TIAM1: variants seen among roughly 807,000 people sequenced by gnomAD.
TIAM1 encodes TIAM Rac1 associated GEF 1.
TIAM1 carries 65 observed loss-of-function variants against 163.5 expected under a neutral mutation model. The observed-to-expected ratio is 0.40, with a 90% CI of 0.33 to 0.49. TIAM1 has a LOEUF of 0.49. TIAM1 is among the 20% of genes least tolerant of loss of function. The pLI is 0.77. For missense variants in TIAM1, 1,789 were observed against 2,044.7 expected (o/e 0.87, Z 2.41); for synonymous variants, 833 against 810.1 (o/e 1.03, Z -0.48).
chr21:31,225,612 G>A (rs2087905735), intron 7 of TIAM1, 114 bp downstream of exon 7: 2 of 799,162 alleles, frequency 2.5e-6, no homozygotes, highest in Admixed American at 2.6e-5. Context: ...TGGATGACAG[G>A]CTGTCGAGGA....
chr21:31,483,166 T>C (rs1192920161), intron 1 of TIAM1, among the ~76,000 whole-genome samples: 1 of 152,186 alleles, frequency 6.6e-6, no homozygotes, highest in Non-Finnish European at 1.5e-5. Context: ...TTTATAAACA[T>C]AAGCAAACAT....
chr21:31,451,718 CGTGTGT>C (rs59110882), intron 2 of TIAM1, among the ~76,000 whole-genome samples: 8,388 of 142,024 alleles, frequency 0.059, 276 homozygotes, highest in Middle Eastern at 0.12. Flanking sequence ...CATGTGTGTG[CGTGTGT>C]GTGTGTGTGT....
intron 23 of TIAM1, among the ~76,000 whole-genome samples, chr21:31,132,779 G>C (rs2082465268): frequency 2.6e-5 from 4 of 152,264 alleles, no homozygotes. Context: ...GATCCCTTCA[G>C]ACATGGCCTT....
intron 2 of TIAM1, among the ~76,000 whole-genome samples, chr21:31,298,013 A>G (rs1407878713): frequency 6.6e-6 from 1 of 152,198 alleles, no homozygotes; most frequent in Non-Finnish European, 1.5e-5. Flanking sequence ...AAACGTTTCT[A>G]TGTACATTAG....
chr21:31,122,691 A>G (rs937505583), intron 27 of TIAM1, among the ~76,000 whole-genome samples: 3 of 152,260 alleles, frequency 2.0e-5, no homozygotes, highest in African/African-American at 7.2e-5. Flanking sequence ...TAGGCTGAAT[A>G]TGGAAGCAGA....
At chr21:31,390,205 T>TA (rs1256877023) in intron 2 of TIAM1, among the ~76,000 whole-genome samples, 1 of 152,182 alleles carries the variant, frequency 6.6e-6, no homozygotes. Context: ...ATTAATGATG[T>TA]AAAAACAAGG....
chr21:31,339,130 A>T (rs1208914422), intron 2 of TIAM1, 113 bp downstream of exon 2: 1 of 389,290 alleles, frequency 2.6e-6, no homozygotes. Flanking sequence ...AATCGTCACA[A>T]ACAATGAACT....
chr21:31,552,956 C>T (rs2048743702), intron 1 of TIAM1, among the ~76,000 whole-genome samples: 2 of 152,114 alleles, frequency 1.3e-5, no homozygotes, highest in African/African-American at 4.8e-5. Context: ...CACGTGGCAC[C>T]GCCTTCATCT....
At chr21:31,318,071 G>C (rs148227953) in intron 2 of TIAM1, among the ~76,000 whole-genome samples, 1 of 152,274 alleles carries the variant, frequency 6.6e-6, no homozygotes, top group East Asian at 1.9e-4. Flanking sequence ...TTTGGGTACA[G>C]CTCCCAGGTC....
rs141060225 is a variant in TIAM1, at chr21:31,361,978, G to A, written c.-368-22556C>T. On this transcript the variant is annotated intron_variant, in intron 2 of 28. Transcript: ENST00000286827. ...CACATACACATATATGTGCATGCAA[G>A]TATACATATATGACTGACATAAAAA... Among the ~76,000 whole-genome samples, 484 of 152,112 alleles carry A rather than the reference G, an allele frequency of 3.2e-3. 1 individual carries two copies. The highest frequency in any genetic ancestry group is 0.011 in the African/African-American group (465 of 41,504).
chr21:31,422,759 G>C (rs893214335), intron 2 of TIAM1, among the ~76,000 whole-genome samples: 6 of 152,142 alleles, frequency 3.9e-5, no homozygotes, highest in African/African-American at 1.4e-4. Context: ...CTTTGCTCAT[G>C]ATCTCTACTC....
At chr21:31,418,030 C>T (rs889207067) in intron 2 of TIAM1, among the ~76,000 whole-genome samples, 3 of 152,096 alleles carry the variant, frequency 2.0e-5, no homozygotes, top group Non-Finnish European at 4.4e-5. Flanking sequence ...CCAAAAGGTA[C>T]TGAGCAGAGT....
chr21:31,316,951 G>T (rs1200740079), intron 2 of TIAM1, among the ~76,000 whole-genome samples: 1 of 152,132 alleles, frequency 6.6e-6, no homozygotes, highest in African/African-American at 2.4e-5. Flanking sequence ...AAATGGCCAG[G>T]GATGTCCAGG....
intron 17 of TIAM1, among the ~76,000 whole-genome samples, chr21:31,153,569 G>A (rs1568929619): frequency 6.6e-6 from 1 of 152,198 alleles, no homozygotes; most frequent in Non-Finnish European, 1.5e-5. Flanking sequence ...CATAGGAAAT[G>A]TGACCAGGTG....
intron 6 of TIAM1, among the ~76,000 whole-genome samples, chr21:31,234,822 A>G (rs184097198): frequency 6.6e-6 from 1 of 152,256 alleles, no homozygotes; most frequent in East Asian, 1.9e-4. Flanking sequence ...TTGGCAGCAT[A>G]TATACTAAAA....
intron 1 of TIAM1, among the ~76,000 whole-genome samples, chr21:31,486,450 A>C (rs1206357446): frequency 6.6e-6 from 1 of 152,274 alleles, no homozygotes; most frequent in Non-Finnish European, 1.5e-5. Context: ...CGAAGGGGAC[A>C]AAGGGTGCGT....
chr21:31,299,671 G>A (rs891193592), intron 2 of TIAM1, among the ~76,000 whole-genome samples: 2 of 152,212 alleles, frequency 1.3e-5, no homozygotes, highest in Non-Finnish European at 2.9e-5. Flanking sequence ...CCATTATGTG[G>A]TAGGGAGTAA....
rs2081907116 is a variant in TIAM1 at position 31,119,073 on chromosome 21, G to C, written c.*1295C>G. On this transcript the variant is annotated 3_prime_UTR_variant, in exon 28 of 28. Transcript: ENST00000541036. ...ACCCTTCTTAGGAAGTGGACATTGT[G>C]ACATGGGAAAAGAAAAAGCTATAAA... 1 of 149,910 alleles carries C rather than the reference G, an allele frequency of 6.7e-6. No homozygotes were observed. The highest frequency in any genetic ancestry group is 1.5e-5 in the Non-Finnish European group (1 of 67,858). The allele number at this position is 149,910 out of a possible 1,614,324, so 9.3% of individuals were successfully genotyped here. A position where few individuals can be genotyped will look rare whatever the true frequency, so the allele number is the denominator to read the frequency against.
At chr21:31,295,697 T>C (rs1329486644) in intron 2 of TIAM1, among the ~76,000 whole-genome samples, 1 of 152,146 alleles carries the variant, frequency 6.6e-6, no homozygotes. Context: ...AGGATGGTAA[T>C]AGAGCTGAGA....
Sources: allele counts gnomAD v4.1 joint callset (sites outside exome capture counted in the v4.1 genomes callset), GRCh38; gene constraint gnomAD v4.1.1; transcripts MANE v1.5; gene names NCBI Gene and HGNC (gene_info 2026-07-23, HGNC 2026-07-21).